The following ZNF585A variants were observed in gnomAD, a reference collection of about 807,000 sequenced individuals.
The protein encoded by ZNF585A is zinc finger protein 585A.
Under a neutral mutation model 14.9 loss-of-function variants are expected in ZNF585A, and 9 were observed. The observed-to-expected ratio is 0.60, with a 90% CI of 0.36 to 1.05. The LOEUF (loss-of-function observed/expected upper bound fraction) is 1.05. ZNF585A is among the 50% of genes least tolerant of loss of function. The pLI, the probability that ZNF585A is intolerant of heterozygous loss-of-function variation, is 0.01. For missense variants in ZNF585A, 726 were observed against 926.4 expected, an observed-to-expected ratio of 0.78 and a Z score of 2.81; for synonymous variants, 276 against 319.9, an observed-to-expected ratio of 0.86 and a Z score of 1.46.
rs1378904308 is a variant in ZNF585A, at chr19:37,150,681, A to C, written c.*908T>G. On this transcript the variant is annotated 3_prime_UTR_variant, in exon 5 of 5. Transcript: ENST00000292841. Reference sequence around the variant, plus strand: ...TGTGTTGGTTTTCATATAAGTTATTAATCTGTTACATGAAAGTTACATCCT... The same window carrying C: ...TGTGTTGGTTTTCATATAAGTTATTCATCTGTTACATGAAAGTTACATCCT... 1 of 152,974 alleles carries C rather than the reference A, an allele frequency of 6.5e-6. No individual in the cohort carries two copies. The allele number at this position is 152,974 out of a possible 1,614,324, so 9.5% of individuals were successfully genotyped here.
intron 2 of ZNF585A, among the ~76,000 whole-genome samples, chr19:37,162,187 G>A (rs1972023046): frequency 2.0e-5 from 3 of 152,242 alleles, no homozygotes; most frequent in Admixed American, 6.5e-5. Flanking sequence ...GCCTCCCAAA[G>A]TGATGGGATT....
At chr19:37,163,799 A>G (rs1972047456) in intron 2 of ZNF585A, among the ~76,000 whole-genome samples, 1 of 152,192 alleles carries the variant, frequency 6.6e-6, no homozygotes, top group East Asian at 1.9e-4. Context: ...AATTACATGG[A>G]AGACACACAG....
rs182916424 is a variant in ZNF585A, at chr19:37,166,889, A to T, written c.72+2950T>A. Among the ~76,000 whole-genome samples the T allele has an allele frequency of 7.2e-4, 109 of 152,264 alleles. 1 individual carries two copies. The highest frequency in any genetic ancestry group is 2.2e-3 in the African/African-American group (90 of 41,558). On this transcript the variant is annotated intron_variant, in intron 2 of 4. Transcript: ENST00000292841. ...CACTGTGTCACGCAGACTGGAGTAC[A>T]GTGGCATGATCTTAGCTCACTGCAA...
In ZNF585A at chr19:37,150,560, G is replaced by C. The variant is rs562904577; in HGVS notation, c.*1029C>G. On this transcript the variant is annotated 3_prime_UTR_variant, in exon 5 of 5. Transcript: ENST00000292841. ...GGTAATGAGGAGATCTCCAGAAACT[G>C]TTTCCGGAATTGATGAAGTGTGACA... is the stretch of plus-strand genomic sequence containing the variant. 1.3e-5 allele frequency: 2 copies of C among 152,206 alleles called. No homozygotes were observed. Among genetic ancestry groups the C allele is most frequent in the South Asian group, 2.1e-4 (1 of 4,826 alleles). The allele number at this position is 152,206 out of a possible 1,614,324, so 9.4% of individuals were successfully genotyped here.
chr19:37,169,715 AG>A, intron 2 of ZNF585A, 123 bp downstream of exon 2: 2 of 1,023,094 alleles, frequency 2.0e-6, no homozygotes, highest in Non-Finnish European at 2.8e-6. Context: ...CAGGAGCAGC[AG>A]GTCTAGAGTC....
In ZNF585A at chr19:37,147,212, AG is replaced by A. The variant is rs1971754486; in HGVS notation, c.*4376del. ...TGCAATGCAAATATCATACAAAATA[AG>A]GGAGCAGCAAGTGAGCTCTACAGAT... On this transcript the variant is annotated 3_prime_UTR_variant, in exon 5 of 5. Transcript: ENST00000292841. 1 of 152,280 alleles carries A rather than the reference AG, an allele frequency of 6.6e-6. No homozygotes were observed. The highest frequency in any genetic ancestry group is 2.4e-5 in the African/African-American group (1 of 41,442). 9.4% of individuals were successfully genotyped at this position (152,280 alleles called of 1,614,324 possible). A position where few individuals can be genotyped will look rare whatever the true frequency, so the allele number is the denominator to read the frequency against.
chr19:37,167,795 T>G (rs745839592), intron 2 of ZNF585A, among the ~76,000 whole-genome samples: 7 of 151,822 alleles, frequency 4.6e-5, no homozygotes, highest in Non-Finnish European at 8.8e-5. Context: ...TTATTTTTTG[T>G]GTCTTCAGTA....
intron 2 of ZNF585A, among the ~76,000 whole-genome samples, chr19:37,169,435 TAAAA>T (rs749236930): frequency 2.1e-5 from 2 of 96,444 alleles, no homozygotes; most frequent in African/African-American, 4.0e-5. Flanking sequence ...AACAGAAATG[TAAAA>T]AAAAAAAAAA....
intron 2 of ZNF585A, among the ~76,000 whole-genome samples, chr19:37,163,738 G>GACACAC (rs148092235): frequency 1.3e-5 from 2 of 148,988 alleles, no homozygotes; most frequent in Non-Finnish European, 3.0e-5. Context: ...TCATAAAGAT[G>GACACAC]ACACACACAC....
rs1461849154 is a variant in ZNF585A, at chr19:37,148,434, T to C, written c.*3155A>G. Reference sequence around the variant, plus strand: ...CACACACACACACAAGGACTCCACTTATACAATATTATGGAAAAGGCAGAA... The same window carrying C: ...CACACACACACACAAGGACTCCACTCATACAATATTATGGAAAAGGCAGAA... On this transcript the variant is annotated 3_prime_UTR_variant, in exon 5 of 5. Coordinates refer to ENST00000292841, the MANE Select transcript of ZNF585A (RefSeq NM_001288800.2). 4.0e-5 allele frequency: 6 copies of C among 151,812 alleles called. No individual in the cohort carries two copies. Among genetic ancestry groups the C allele is most frequent in the Non-Finnish European group, 8.8e-5 (6 of 67,932 alleles). The allele number at this position is 151,812 out of a possible 1,614,324, so 9.4% of individuals were successfully genotyped here. A position where few individuals can be genotyped will look rare whatever the true frequency, so the allele number is the denominator to read the frequency against.
At chr19:37,161,550 C>A (rs578200720) in intron 2 of ZNF585A, among the ~76,000 whole-genome samples, 4 of 152,006 alleles carry the variant, frequency 2.6e-5, no homozygotes, top group Admixed American at 1.3e-4. Flanking sequence ...GAATTTTTTT[C>A]AATAAAAGTT....
Position 37,153,172 on chromosome 19 carries a change from C to G in ZNF585A, c.727G>C (p.Glu243Gln). Residue 243 changes from glutamate to glutamine, a missense_variant, in exon 5 of 5, where the codon GAA becomes CAA. Coordinates refer to ENST00000292841, the MANE Select transcript of ZNF585A (RefSeq NM_001288800.2). ...AATGCTTTGCCACAGTCAGTGCATT[C>G]ATGGTGTCTCTCTCCAGTATGAATT... The part of the protein sequence containing the change: ...EKIHTGERHH[E>Q]CTDCGKAFTQ... The G allele has an allele frequency of 1.2e-6, 2 of 1,614,130 alleles. No homozygotes were observed. Among genetic ancestry groups the G allele is most frequent in the Non-Finnish European group, 1.7e-6 (2 of 1,180,022 alleles).
chr19:37,154,783 G>A (rs62110075), intron 4 of ZNF585A, among the ~76,000 whole-genome samples: 3,222 of 145,156 alleles, frequency 0.022, 57 homozygotes, highest in Non-Finnish European at 0.034. Context: ...AAGCTCTGAG[G>A]CATCTCACAG....
intron 2 of ZNF585A, among the ~76,000 whole-genome samples, chr19:37,168,487 A>G (rs912931453): frequency 2.6e-5 from 4 of 152,230 alleles, no homozygotes; most frequent in Admixed American, 2.6e-4. Context: ...ACAGACAAAA[A>G]TCACAATCTT....
chr19:37,163,306 T>C (rs942493988), intron 2 of ZNF585A, among the ~76,000 whole-genome samples: 1 of 149,996 alleles, frequency 6.7e-6, no homozygotes, highest in Non-Finnish European at 1.5e-5. Context: ...TAGAAATAAA[T>C]TGACATACAA....
chr19:37,156,709 C>T lies in ZNF585A; in HGVS notation c.73-354G>A, dbSNP rs1213561500. Reference sequence around the variant, plus strand: ...CTAATACTTCATTTTTTTTTTCTTCCGAAACAGAGTCTCGCTCTGTTGTCC... The same window carrying T: ...CTAATACTTCATTTTTTTTTTCTTCTGAAACAGAGTCTCGCTCTGTTGTCC... On this transcript the variant is annotated intron_variant, in intron 2 of 4. Coordinates refer to ENST00000292841, the MANE Select transcript of ZNF585A (RefSeq NM_001288800.2). Among the ~76,000 whole-genome samples the T allele has an allele frequency of 4.7e-5, 7 of 149,624 alleles. No individual in the cohort carries two copies. The South Asian group carries it at 8.4e-4, about 18-fold the overall frequency.
intron 2 of ZNF585A, among the ~76,000 whole-genome samples, chr19:37,164,025 G>GA (rs113450990): frequency 1.3e-5 from 2 of 152,086 alleles, no homozygotes; most frequent in African/African-American, 2.4e-5. Context: ...AATTGCAGGG[G>GA]AAAAAATATT....
rs1972157457 is a variant in ZNF585A at position 37,170,050 on chromosome 19, G to A, written c.-140C>T. 1.1e-6 allele frequency: 1 copy of A among 874,302 alleles called. No individual in the cohort carries two copies. Among genetic ancestry groups the A allele is most frequent in the South Asian group, 1.7e-5 (1 of 57,930 alleles). The allele number at this position is 874,302 out of a possible 1,614,324, so 54.2% of individuals were successfully genotyped here. ...CCCAGGGGCTCCCCAGAGACACCCA[G>A]AAACCTGGAAAGACAATGTTCCCAT... On this transcript the variant is annotated 5_prime_UTR_variant, in exon 2 of 5. Coordinates refer to ENST00000292841, the MANE Select transcript of ZNF585A (RefSeq NM_001288800.2).
At chr19:37,160,377 A>T (rs1362500734) in intron 2 of ZNF585A, among the ~76,000 whole-genome samples, 1 of 149,386 alleles carries the variant, frequency 6.7e-6, no homozygotes, top group East Asian at 1.9e-4. Context: ...TAAATAAATA[A>T]ATAAATAAAT....
Sources: gnomAD v4.1 joint callset for allele counts (sites outside exome capture counted in the v4.1 genomes callset) on GRCh38, gnomAD v4.1.1 for gene constraint, MANE v1.5 for transcripts, NCBI Gene and HGNC (gene_info 2026-07-23, HGNC 2026-07-21) for gene names.